KLRB1: variants seen among roughly 807,000 people sequenced by gnomAD.
KLRB1 encodes the protein killer cell lectin-like receptor subfamily B member 1.
Under a neutral mutation model 33.5 loss-of-function variants are expected in KLRB1, and 27 were observed. The observed-to-expected ratio is 0.81, with a 90% CI of 0.59 to 1.11. The LOEUF (loss-of-function observed/expected upper bound fraction) is 1.11. Ranked by LOEUF, KLRB1 falls within the 50% of genes most tolerant of loss-of-function variation. The pLI, the probability that KLRB1 is intolerant of heterozygous loss-of-function variation, is 0.00. For missense variants in KLRB1, 241 were observed against 254.1 expected (o/e 0.95, Z 0.35); for synonymous variants, 64 against 88.9 (o/e 0.72, Z 1.58).
Position 9,606,756 on chromosome 12 carries a change from A to ATTTTTTTTTTTTTTTTTTTTTTTTTTTTT in KLRB1, c.85+998_85+999insAAAAAAAAAAAAAAAAAAAAAAAAAAAAA, listed in dbSNP as rs1188705968. 1.6e-4 allele frequency among the ~76,000 whole-genome samples: 5 copies of ATTTTTTTTTTTTTTTTTTTTTTTTTTTTT among 31,542 alleles called. 1 individual carries two copies. Among genetic ancestry groups the ATTTTTTTTTTTTTTTTTTTTTTTTTTTTT allele is most frequent in the Non-Finnish European group, 2.9e-4 (5 of 17,464 alleles). 20.7% of individuals were successfully genotyped at this position (31,542 alleles called of 152,430 possible). ...AAAGTATATATATATATATATATAT[A>ATTTTTTTTTTTTTTTTTTTTTTTTTTTTT]TATATTTTTTTTTTTTTTTTGAGAT... On this transcript the variant is annotated intron_variant, in intron 1 of 5. Coordinates refer to ENST00000229402, the MANE Select transcript of KLRB1 (RefSeq NM_002258.3).
chr12:9,606,754 ATATATATTTTTTT>A (rs1864609062), intron 1 of KLRB1, among the ~76,000 whole-genome samples: 4 of 25,418 alleles, frequency 1.6e-4, no homozygotes, highest in Non-Finnish European at 7.4e-5. Context: ...ATATATATAT[ATATATATTTTTTT>A]TTTTTTTTTG....
At chr12:9,604,341 A>G (rs761264658) in intron 1 of KLRB1, among the ~76,000 whole-genome samples, 1 of 152,300 alleles carries the variant, frequency 6.6e-6, no homozygotes, top group East Asian at 1.9e-4. Context: ...AGTCTGTAGA[A>G]TGGCTCATAT....
chr12:9,595,135 T>G lies in KLRB1; in HGVS notation c.*139A>C, dbSNP rs902812564. On this transcript the variant is annotated 3_prime_UTR_variant, in exon 6 of 6. Coordinates refer to ENST00000229402, the MANE Select transcript of KLRB1 (RefSeq NM_002258.3). Reference sequence around the variant, plus strand: ...ATGATAAACATGAACTTCTGTAAGATTCATAACAGTTGTCAATTCTCAGAA... The same window carrying G: ...ATGATAAACATGAACTTCTGTAAGAGTCATAACAGTTGTCAATTCTCAGAA... The G allele has an allele frequency of 3.0e-6, 2 of 660,684 alleles. No homozygotes were observed. The highest frequency in any genetic ancestry group is 3.7e-5 in the African/African-American group (2 of 53,986). The allele number at this position is 660,684 out of a possible 1,614,324, so 40.9% of individuals were successfully genotyped here.
At chr12:9,607,346 T>TGCC (rs1565444581) in intron 1 of KLRB1, among the ~76,000 whole-genome samples, 3 of 60,990 alleles carry the variant, frequency 4.9e-5, no homozygotes, top group Non-Finnish European at 7.5e-5. Context: ...CTTTCTTTCT[T>TGCC]TCTTTCTTCC....
At chr12:9,605,802 C>T (rs999393727) in intron 1 of KLRB1, among the ~76,000 whole-genome samples, 1 of 152,150 alleles carries the variant, frequency 6.6e-6, no homozygotes, top group Non-Finnish European at 1.5e-5. Context: ...CTTTATTCTA[C>T]TCTTATTTTT....
In KLRB1 at chr12:9,595,227, A is replaced by T; in HGVS notation, c.*47T>A. The stretch of plus-strand genomic sequence containing the variant: ...ACCAATAGTATGTGCAGCTACAAGT[A>T]CAGAGATCAGTAATGGGAAGCAAAT... On this transcript the variant is annotated 3_prime_UTR_variant, in exon 6 of 6. Coordinates refer to ENST00000229402, the MANE Select transcript of KLRB1 (RefSeq NM_002258.3). 1 of 1,560,740 alleles carries T rather than the reference A, an allele frequency of 6.4e-7. No homozygotes were observed. Among genetic ancestry groups the T allele is most frequent in the Non-Finnish European group, 8.8e-7 (1 of 1,133,020 alleles).
chr12:9,597,727 C>T (rs1437145578), intron 5 of KLRB1, among the ~76,000 whole-genome samples: 1 of 152,110 alleles, frequency 6.6e-6, no homozygotes, highest in Admixed American at 6.6e-5. Flanking sequence ...AAAAATACAA[C>T]GTAAGACATT....
chr12:9,606,754 A>ATTTTTTT (rs1414913660), intron 1 of KLRB1, among the ~76,000 whole-genome samples: 1 of 25,420 alleles, frequency 3.9e-5, no homozygotes, highest in Non-Finnish European at 7.4e-5. Context: ...ATATATATAT[A>ATTTTTTT]TATATATTTT....
In KLRB1 at chr12:9,603,101, G is replaced by T. The variant is rs191900551; in HGVS notation, c.86-1502C>A. ...TATCGTCTGGTACTATTTAGGACAT[G>T]CTGTATCAGTGGAGGGGGGCAGGGA... is the stretch of plus-strand genomic sequence containing the variant. On this transcript the variant is annotated intron_variant, in intron 1 of 5. Coordinates refer to ENST00000229402, the MANE Select transcript of KLRB1 (RefSeq NM_002258.3). 3.3e-3 allele frequency among the ~76,000 whole-genome samples: 504 copies of T among 152,294 alleles called. 2 individuals are homozygous for T. The highest frequency in any genetic ancestry group is 4.0e-3 in the Non-Finnish European group (270 of 68,032).
rs1453301418 is a variant in KLRB1 at position 9,601,701 on chromosome 12, TA to T, written c.86-103del. On this transcript the variant is annotated intron_variant, in intron 1 of 5. Transcript: ENST00000229402. ...ATCTGGCACAAAAATGTACTTGGGATAACATAGGGACAATTAGATTCAGCTT... is the reference window on the plus strand; with the variant it reads ...ATCTGGCACAAAAATGTACTTGGGATACATAGGGACAATTAGATTCAGCTT... The T allele has an allele frequency of 1.2e-5, 9 of 722,154 alleles. No individual in the cohort carries two copies. In the Admixed American group the frequency reaches 1.7e-4, roughly 13 times the overall value. 44.7% of individuals were successfully genotyped at this position (722,154 alleles called of 1,614,324 possible). A position where few individuals can be genotyped will look rare whatever the true frequency, so the allele number is the denominator to read the frequency against.
Position 9,607,759 on chromosome 12 carries a change from AG to A in KLRB1, c.80del (p.Pro27LeufsTer15). The A allele has an allele frequency of 6.2e-7, 1 of 1,608,456 alleles. No individual in the cohort carries two copies. Among genetic ancestry groups the A allele is most frequent in the Non-Finnish European group, 8.5e-7 (1 of 1,174,998 alleles). On this transcript the variant is annotated frameshift_variant, in exon 1 of 6. Coordinates refer to ENST00000229402, the MANE Select transcript of KLRB1 (RefSeq NM_002258.3). LOFTEE classifies it high-confidence loss of function. ...GPESSSPSSL[P>X]RDVCQGSPWH... is the part of the protein sequence containing the mutation. The stretch of plus-strand genomic sequence containing the variant: ...AGGAAAATTAAAGCCACTTACCCCG[AG>A]GAAGAGATGAAGGTGAAGAACTTTC...
rs369209790 is a variant in KLRB1 at position 9,605,653 on chromosome 12, T to C, written c.85+2102A>G. ...TTATCACTCACATCTCTCCTTCTGGTTTTGTTGACTGCCTTAGACACAATC... is the reference window on the plus strand; with the variant it reads ...TTATCACTCACATCTCTCCTTCTGGCTTTGTTGACTGCCTTAGACACAATC... On this transcript the variant is annotated intron_variant, in intron 1 of 5. Coordinates refer to ENST00000229402, the MANE Select transcript of KLRB1 (RefSeq NM_002258.3). 6.6e-5 allele frequency among the ~76,000 whole-genome samples: 10 copies of C among 152,296 alleles called. No individual in the cohort carries two copies. The East Asian group carries it at 1.2e-3, about 18-fold the overall frequency.
rs143372540 is a variant in KLRB1 at position 9,598,505 on chromosome 12, A to G, written c.408T>C (p.Asp136=). 6.2e-7 allele frequency: 1 copy of G among 1,606,600 alleles called. No individual in the cohort carries two copies. The highest frequency in any genetic ancestry group is 1.7e-5 in the Admixed American group (1 of 57,752). The change falls in exon 4 of 6, where the codon GAT becomes GAC. Residue 136 remains aspartate (D), a synonymous_variant. Transcript: ENST00000229402. ...ATTTTATTTAATGATTTACCAATTC[A>G]TCCTTATCTCGAATAAGCAGCAGGC... is the stretch of plus-strand genomic sequence containing the variant. The part of the protein sequence containing the change: ...ESSLLLIRDK[D]ELIHTQNLIR...
intron 1 of KLRB1, among the ~76,000 whole-genome samples, chr12:9,604,954 C>T (rs1190437071): frequency 6.6e-6 from 1 of 152,062 alleles, no homozygotes; most frequent in African/African-American, 2.4e-5. Context: ...TCGTCATTTA[C>T]ATTAGGTATT....
chr12:9,607,396 C>CTTTCTTTCT (rs1864630568), intron 1 of KLRB1, among the ~76,000 whole-genome samples: 7 of 93,834 alleles, frequency 7.5e-5, no homozygotes, highest in African/African-American at 2.5e-4. Flanking sequence ...TTCTTTCTTT[C>CTTTCTTTCT]TTTCTTTCTT....
intron 1 of KLRB1, among the ~76,000 whole-genome samples, chr12:9,604,539 G>A (rs753085488): frequency 1.3e-5 from 2 of 152,216 alleles, no homozygotes; most frequent in South Asian, 2.1e-4. Flanking sequence ...CACTCTCCAC[G>A]CAGATGCCTC....
Position 9,607,828 on chromosome 12 carries a change from T to G in KLRB1, c.12A>C (p.Gln4His). The G allele has an allele frequency of 2.5e-6, 4 of 1,612,884 alleles. No homozygotes were observed. The highest frequency in any genetic ancestry group is 3.4e-6 in the Non-Finnish European group (4 of 1,179,004). Residue 4 changes from glutamine to histidine, a missense_variant, in exon 1 of 6, where the codon CAA (glutamine) becomes CAC (histidine). Coordinates refer to ENST00000229402, the MANE Select transcript of KLRB1 (RefSeq NM_002258.3). Reference sequence around the variant, plus strand: ...GTAAGTTTAACTCAGCATATATTGCTTGTTGGTCCATGGCAGACAGAGGAA... The same window carrying G: ...GTAAGTTTAACTCAGCATATATTGCGTGTTGGTCCATGGCAGACAGAGGAA... MDQ[Q>H]AIYAELNLPT...
chr12:9,601,558 G>A lies in KLRB1; in HGVS notation c.127C>T (p.Leu43Phe). ...AGGAGAATAATCCCAGCACAGCTAA[G>A]TTTCAGGGCAAATTGATGCCAAGGT... ...GSPWHQFALK[L>F]SCAGIILLVL... Residue 43 changes from leucine to phenylalanine, a missense_variant, in exon 2 of 6, where the codon CTT becomes TTT. Transcript: ENST00000229402. The A allele has an allele frequency of 6.2e-7, 1 of 1,613,836 alleles. No individual in the cohort carries two copies. Among genetic ancestry groups the A allele is most frequent in the Non-Finnish European group, 8.5e-7 (1 of 1,179,792 alleles).
At chr12:9,604,288 C>T (rs1405708947) in intron 1 of KLRB1, among the ~76,000 whole-genome samples, 1 of 152,174 alleles carries the variant, frequency 6.6e-6, no homozygotes, top group Admixed American at 6.5e-5. Flanking sequence ...CATCTCATTT[C>T]ATTATTCTAA....
Sources: gnomAD v4.1 joint callset for allele counts (sites outside exome capture counted in the v4.1 genomes callset) on GRCh38, gnomAD v4.1.1 for gene constraint, MANE v1.5 for transcripts, NCBI Gene and HGNC (gene_info 2026-07-23, HGNC 2026-07-21) for gene names.